The following ROBO2 variants were observed in gnomAD, a reference collection of about 807,000 sequenced individuals.
ROBO2 encodes roundabout homolog 2.
In ROBO2, 53 loss-of-function variants were observed where a neutral mutation model predicts 160.8. That is an observed-to-expected ratio of 0.33 (90% CI 0.26 to 0.41). The LOEUF (loss-of-function observed/expected upper bound fraction) is 0.41. Ranked by LOEUF, ROBO2 falls within the 10% of genes least tolerant of loss-of-function variation. The pLI is 1.00. For missense variants in ROBO2, 1,577 were observed against 1,722.4 expected (o/e 0.92, Z 1.49); for synonymous variants, 664 against 611.7 (o/e 1.09, Z -1.26).
chr3:76,248,246 G>A (rs1300400947), intron 2 of ROBO2, among the ~76,000 whole-genome samples: 1 of 151,912 alleles, frequency 6.6e-6, no homozygotes. Context: ...CAACCCAAAT[G>A]TCCACCAATG....
At chr3:77,324,868 CTTAAAA>C (rs202071162) in intron 2 of ROBO2, among the ~76,000 whole-genome samples, 6,228 of 150,698 alleles carry the variant, frequency 0.041, 419 homozygotes, top group African/African-American at 0.14. Flanking sequence ...TCCTGTAATT[CTTAAAA>C]TTAAACAGAA....
chr3:75,962,248 TAGTC>T (rs1482812263), intron 2 of ROBO2, among the ~76,000 whole-genome samples: 2 of 151,738 alleles, frequency 1.3e-5, no homozygotes, highest in African/African-American at 2.4e-5. Context: ...GAAACAATGA[TAGTC>T]AGAACACAAT....
chr3:76,408,244 T>C (rs550885017), intron 2 of ROBO2, among the ~76,000 whole-genome samples: 1 of 152,134 alleles, frequency 6.6e-6, no homozygotes, highest in East Asian at 1.9e-4. Flanking sequence ...TGGATAATAG[T>C]TGGAAGGGAT....
intron 2 of ROBO2, among the ~76,000 whole-genome samples, chr3:76,138,238 A>T (rs1431708412): frequency 6.6e-6 from 1 of 152,000 alleles, no homozygotes; most frequent in African/African-American, 2.4e-5. Flanking sequence ...AGAGAAAAGC[A>T]CTTTTATGTT....
chr3:76,940,183 C>T lies in ROBO2; in HGVS notation c.110-157831C>T, dbSNP rs542673952. ...ATTTTTAGTAGAGACGGGGTTTCAC[C>T]GTGTTAGCCAGGATGGTCTCGATCT... On this transcript the variant is annotated intron_variant, in intron 2 of 26. Coordinates refer to the ROBO2 transcript ENST00000487694. Among the ~76,000 whole-genome samples the T allele has an allele frequency of 2.2e-3, 338 of 152,150 alleles. 1 individual carries two copies. The highest frequency in any genetic ancestry group is 6.8e-3 in the African/African-American group (284 of 41,510).
intron 2 of ROBO2, among the ~76,000 whole-genome samples, chr3:76,504,337 G>A (rs2107673076): frequency 1.3e-5 from 2 of 152,238 alleles, no homozygotes; most frequent in Middle Eastern, 6.8e-3. Flanking sequence ...GAAAGTGAGA[G>A]ACAGAAAATG....
intron 11 of ROBO2, among the ~76,000 whole-genome samples, chr3:77,563,622 AT>A (rs2093398949): frequency 6.6e-6 from 1 of 152,146 alleles, no homozygotes; most frequent in East Asian, 1.9e-4. Flanking sequence ...TAAGGTGAGA[AT>A]TTAGGCATCT....
chr3:76,988,297 T>C (rs1050864403), intron 2 of ROBO2, among the ~76,000 whole-genome samples: 1 of 152,142 alleles, frequency 6.6e-6, no homozygotes, highest in Non-Finnish European at 1.5e-5. Context: ...AGTAGGGGAA[T>C]GGATGGTTGC....
intron 2 of ROBO2, among the ~76,000 whole-genome samples, chr3:76,137,187 C>T (rs527801202): frequency 6.6e-6 from 1 of 151,882 alleles, no homozygotes; most frequent in East Asian, 1.9e-4. Flanking sequence ...GTCCATTTAC[C>T]CTGAGATAAC....
intron 2 of ROBO2, among the ~76,000 whole-genome samples, chr3:77,012,575 C>T (rs1374410630): frequency 6.6e-6 from 1 of 152,052 alleles, no homozygotes; most frequent in Non-Finnish European, 1.5e-5. Flanking sequence ...AATAAGATAA[C>T]CACTGGGTAA....
intron 2 of ROBO2, among the ~76,000 whole-genome samples, chr3:76,688,933 A>T (rs980047789): frequency 2.6e-5 from 4 of 152,032 alleles, no homozygotes; most frequent in African/African-American, 9.7e-5. Flanking sequence ...TGAACATATA[A>T]TCTCATAGGC....
chr3:76,946,599 G>C (rs1301381574), intron 2 of ROBO2, among the ~76,000 whole-genome samples: 1 of 151,942 alleles, frequency 6.6e-6, no homozygotes, highest in Non-Finnish European at 1.5e-5. Context: ...CACGGCATCC[G>C]GCTAATTTTT....
chr3:76,033,117 G>A (rs992836756), intron 2 of ROBO2, among the ~76,000 whole-genome samples: 14 of 151,410 alleles, frequency 9.2e-5, no homozygotes, highest in Admixed American at 9.2e-4. Flanking sequence ...AAAAAAATGG[G>A]GAGAAATGTT....
intron 2 of ROBO2, among the ~76,000 whole-genome samples, chr3:77,393,194 TTC>T (rs1445412841): frequency 3.3e-5 from 5 of 152,206 alleles, no homozygotes; most frequent in African/African-American, 1.2e-4. Context: ...CATATTTTTA[TTC>T]TGTCTGCCTA....
intron 2 of ROBO2, among the ~76,000 whole-genome samples, chr3:76,871,317 G>A (rs1462939377): frequency 6.6e-6 from 1 of 152,036 alleles, no homozygotes; most frequent in Non-Finnish European, 1.5e-5. Context: ...CACTTTGGGA[G>A]GCCGAGGCAG....
At chr3:76,309,779 G>A (rs759358128) in intron 2 of ROBO2, among the ~76,000 whole-genome samples, 5 of 152,040 alleles carry the variant, frequency 3.3e-5, no homozygotes, top group African/African-American at 7.2e-5. Flanking sequence ...TTTTGATCAC[G>A]CCAATTCACT....
intron 2 of ROBO2, among the ~76,000 whole-genome samples, chr3:76,845,044 G>A (rs2068647001): frequency 6.6e-6 from 1 of 151,914 alleles, no homozygotes; most frequent in African/African-American, 2.4e-5. Context: ...AAATGCAGTT[G>A]TGGTCATCAT....
chr3:76,918,559 G>A (rs1191136041), intron 2 of ROBO2, among the ~76,000 whole-genome samples: 1 of 152,146 alleles, frequency 6.6e-6, no homozygotes, highest in African/African-American at 2.4e-5. Context: ...TAATATTTTA[G>A]TGTCATAATT....
chr3:76,704,650 A>G (rs1213374006), intron 2 of ROBO2, among the ~76,000 whole-genome samples: 1 of 152,088 alleles, frequency 6.6e-6, no homozygotes, highest in Non-Finnish European at 1.5e-5. Context: ...GGAACCCACT[A>G]CTGCAGATTG....
Sources: allele counts gnomAD v4.1 joint callset (sites outside exome capture counted in the v4.1 genomes callset), GRCh38; gene constraint gnomAD v4.1.1; transcripts MANE v1.5; gene names NCBI Gene and HGNC (gene_info 2026-07-23, HGNC 2026-07-21).